The following UVRAG variants were observed in gnomAD, a reference collection of about 807,000 sequenced individuals.
The protein encoded by UVRAG is UV radiation resistance-associated gene protein.
A neutral mutation model predicts 78.0 loss-of-function variants in UVRAG; 19 were observed. The observed-to-expected ratio is 0.24, with a 90% CI of 0.17 to 0.36. The LOEUF (loss-of-function observed/expected upper bound fraction) is 0.36. Ranked by LOEUF, UVRAG falls within the 10% of genes least tolerant of loss-of-function variation. The pLI is 1.00. For missense variants in UVRAG, 740 were observed against 853.8 expected, an observed-to-expected ratio of 0.87 and a Z score of 1.66; for synonymous variants, 323 against 324.6, an observed-to-expected ratio of 1.00 and a Z score of 0.05.
At chr11:75,867,310 C>A (rs1946558246) in intron 3 of UVRAG, among the ~76,000 whole-genome samples, 1 of 152,216 alleles carries the variant, frequency 6.6e-6, no homozygotes, top group Non-Finnish European at 1.5e-5. Flanking sequence ...GCCCTCTCCT[C>A]CCCTCTCCAG....
chr11:76,004,003 A>G lies in UVRAG; in HGVS notation c.827-2A>G. 1 of 1,613,472 alleles carries G rather than the reference A, an allele frequency of 6.2e-7. No individual in the cohort carries two copies. The highest frequency in any genetic ancestry group is 1.7e-4 in the Middle Eastern group (1 of 6,060). The stretch of plus-strand genomic sequence containing the variant: ...GAATTATCTCCTTCCTTTTCTTTCT[A>G]GGAAGTGCATTTTCAGCTGAGCACC... On this transcript the variant is annotated splice_acceptor_variant, in intron 8 of 14. Transcript: ENST00000356136. LOFTEE classifies it high-confidence loss of function.
intron 7 of UVRAG, among the ~76,000 whole-genome samples, chr11:75,968,363 A>G (rs1949064779): frequency 6.6e-6 from 1 of 152,234 alleles, no homozygotes; most frequent in South Asian, 2.1e-4. Flanking sequence ...ACAGATAAAT[A>G]GAACACTGAA....
chr11:76,024,207 A>G (rs1950291483), intron 12 of UVRAG, among the ~76,000 whole-genome samples: 1 of 152,174 alleles, frequency 6.6e-6, no homozygotes, highest in South Asian at 2.1e-4. Context: ...TGAGATGGTA[A>G]ATATTCTTGC....
At chr11:75,912,536 G>A (rs763419311) in intron 6 of UVRAG, among the ~76,000 whole-genome samples, 1 of 152,142 alleles carries the variant, frequency 6.6e-6, no homozygotes, top group Non-Finnish European at 1.5e-5. Flanking sequence ...TAATGTCTGG[G>A]CTTAATTTTG....
chr11:75,894,802 C>CAAA (rs375833755), intron 5 of UVRAG, among the ~76,000 whole-genome samples: 5 of 60,188 alleles, frequency 8.3e-5, no homozygotes, highest in South Asian at 5.7e-4. Flanking sequence ...CCGTCTCTAC[C>CAAA]AAAAAAAAAA....
At chr11:75,943,806 CT>C (rs1948532539) in intron 6 of UVRAG, among the ~76,000 whole-genome samples, 1 of 152,122 alleles carries the variant, frequency 6.6e-6, no homozygotes, top group Non-Finnish European at 1.5e-5. Context: ...ATAGTATTGT[CT>C]TATTTGATGC....
At chr11:76,020,193 C>T (rs1178237554) in intron 12 of UVRAG, among the ~76,000 whole-genome samples, 2 of 151,970 alleles carry the variant, frequency 1.3e-5, no homozygotes, top group East Asian at 3.9e-4. Flanking sequence ...TAGCTTGTGG[C>T]GAATGCTGCC....
rs78280626 is a variant in UVRAG at position 76,088,265 on chromosome 11, G to A, written c.1305+22477G>A. Among the ~76,000 whole-genome samples the A allele has an allele frequency of 8.3e-4, 126 of 152,196 alleles. 1 individual carries two copies. The highest frequency in any genetic ancestry group is 2.9e-3 in the African/African-American group (122 of 41,518). On this transcript the variant is annotated intron_variant, in intron 13 of 14. Transcript: ENST00000356136. ...TAGTAGTTTCCATTGGCTGATTTTTGTCACTTAAGTAATTCTTCATTGCCT... is the reference window on the plus strand; with the variant it reads ...TAGTAGTTTCCATTGGCTGATTTTTATCACTTAAGTAATTCTTCATTGCCT...
rs1952727594 is a variant in UVRAG at position 76,141,750 on chromosome 11, A to G, written c.*337A>G. On this transcript the variant is annotated 3_prime_UTR_variant, in exon 15 of 15. Transcript: ENST00000356136. The stretch of plus-strand genomic sequence containing the variant: ...ATCCTCAGAGGGAAGATGATAATAT[A>G]TAAATAATATAATGAACACACCCTT... 3.9e-6 allele frequency: 1 copy of G among 259,572 alleles called. No individual in the cohort carries two copies. The highest frequency in any genetic ancestry group is 2.2e-5 in the African/African-American group (1 of 44,504). The allele number at this position is 259,572 out of a possible 1,614,324, so 16.1% of individuals were successfully genotyped here. A position where few individuals can be genotyped will look rare whatever the true frequency, so the allele number is the denominator to read the frequency against.
chr11:75,819,716 A>C (rs1945344212), intron 1 of UVRAG, among the ~76,000 whole-genome samples: 1 of 146,424 alleles, frequency 6.8e-6, no homozygotes, highest in African/African-American at 2.5e-5. Flanking sequence ...TGCCTCTAAT[A>C]CCAGCACTTT....
intron 3 of UVRAG, among the ~76,000 whole-genome samples, chr11:75,877,853 G>A (rs1358411194): frequency 3.5e-5 from 5 of 143,968 alleles, no homozygotes; most frequent in East Asian, 2.2e-4. Context: ...GCGGCTGGCC[G>A]GGCGGGGGGC....
At chr11:76,005,136 GAT>G (rs1390709202) in intron 9 of UVRAG, among the ~76,000 whole-genome samples, 17 of 152,166 alleles carry the variant, frequency 1.1e-4, no homozygotes, top group African/African-American at 3.4e-4. Context: ...GCAGTCAGGA[GAT>G]CAAGACCATC....
intron 13 of UVRAG, among the ~76,000 whole-genome samples, chr11:76,103,622 G>A (rs1254296157): frequency 1.4e-5 from 2 of 143,974 alleles, no homozygotes; most frequent in Admixed American, 1.5e-4. Flanking sequence ...GGACTCTATT[G>A]CAATTCAAGT....
At chr11:76,008,905 A>G (rs1950000142) in intron 11 of UVRAG, 38 bp downstream of exon 11, 2 of 1,119,126 alleles carry the variant, frequency 1.8e-6, no homozygotes, top group Non-Finnish European at 1.3e-6. Context: ...GTTATATATT[A>G]ATATATGGAA....
chr11:76,044,329 A>G (rs1591170138), intron 12 of UVRAG, among the ~76,000 whole-genome samples: 1 of 152,250 alleles, frequency 6.6e-6, no homozygotes, highest in Non-Finnish European at 1.5e-5. Flanking sequence ...AGAATTAACC[A>G]GTACATATAA....
intron 7 of UVRAG, among the ~76,000 whole-genome samples, chr11:75,970,777 A>G (rs556618352): frequency 2.6e-5 from 4 of 151,762 alleles, no homozygotes; most frequent in Non-Finnish European, 5.9e-5. Context: ...CAGAGTTCCC[A>G]TATAACCCAC....
rs1419386560 is a variant in UVRAG, at chr11:75,815,211, GT to G, written c.-196del. ...AGCGGGGTGGAGGGGTTGCACTGCG[GT>G]AATATGGCTCTTCCTTAGCCAGCGG... is the stretch of plus-strand genomic sequence containing the variant. On this transcript the variant is annotated 5_prime_UTR_variant, in exon 1 of 15. Coordinates refer to ENST00000356136, the MANE Select transcript of UVRAG (RefSeq NM_003369.4). 4 of 431,032 alleles carry G rather than the reference GT, an allele frequency of 9.3e-6. No homozygotes were observed. Among genetic ancestry groups the G allele is most frequent in the Non-Finnish European group, 1.6e-5 (4 of 245,800 alleles). 26.7% of individuals were successfully genotyped at this position (431,032 alleles called of 1,614,324 possible).
At chr11:76,088,197 A>G (rs140256180) in intron 13 of UVRAG, among the ~76,000 whole-genome samples, 276 of 152,328 alleles carry the variant, frequency 1.8e-3, no homozygotes, top group African/African-American at 6.4e-3. Context: ...GTGAAAATTC[A>G]TAAGCCAGTA....
At chr11:76,136,483 C>T (rs2134509592) in intron 14 of UVRAG, among the ~76,000 whole-genome samples, 1 of 150,952 alleles carries the variant, frequency 6.6e-6, no homozygotes, top group South Asian at 2.1e-4. Context: ...ACCAGAAACA[C>T]AGCTTTAGTG....
Sources: allele counts gnomAD v4.1 joint callset (sites outside exome capture counted in the v4.1 genomes callset), GRCh38; gene constraint gnomAD v4.1.1; transcripts MANE v1.5; gene names NCBI Gene and HGNC (gene_info 2026-07-23, HGNC 2026-07-21).